Variants in SLC25A21 observed in about 807,000 individuals in gnomAD.
The protein encoded by SLC25A21 is solute carrier family 25 member 21.
A neutral mutation model predicts 43.8 loss-of-function variants in SLC25A21; 47 were observed. That is an observed-to-expected ratio of 1.07 (90% CI 0.85 to 1.37). The LOEUF (loss-of-function observed/expected upper bound fraction) is 1.37, where lower values mean the gene tolerates loss of function less well. Among genes scored for constraint, SLC25A21 ranks in the 40% most tolerant of loss-of-function variants. The pLI, the probability that SLC25A21 is intolerant of heterozygous loss-of-function variation, is 0.00. For synonymous variants in SLC25A21, 131 were observed against 121.3 expected, an observed-to-expected ratio of 1.08 and a Z score of -0.52; for missense variants, 352 against 350.2, an observed-to-expected ratio of 1.00 and a Z score of -0.04.
intron 7 of SLC25A21, among the ~76,000 whole-genome samples, chr14:36,697,757 A>ATTTTTT (rs1480702335): frequency 3.7e-5 from 2 of 53,752 alleles, no homozygotes; most frequent in African/African-American, 1.8e-4. Context: ...TTTGCTTTCC[A>ATTTTTT]TTTGCTTGGT....
In SLC25A21 at chr14:36,679,366, T is replaced by C; in HGVS notation, c.*1292A>G. 1.0e-6 allele frequency: 1 copy of C among 975,772 alleles called. No homozygotes were observed. Among genetic ancestry groups the C allele is most frequent in the Non-Finnish European group, 1.2e-6 (1 of 821,244 alleles). 60.4% of individuals were successfully genotyped at this position (975,772 alleles called of 1,614,324 possible). A position where few individuals can be genotyped will look rare whatever the true frequency, so the allele number is the denominator to read the frequency against. Reference sequence around the variant, plus strand: ...AATTAATAAAAAGTAATAATTACCATGTTATCTTTTACTTTTTATTTTCAA... The same window carrying C: ...AATTAATAAAAAGTAATAATTACCACGTTATCTTTTACTTTTTATTTTCAA... On this transcript the variant is annotated 3_prime_UTR_variant, in exon 10 of 10. Transcript: ENST00000331299.
chr14:36,748,861 C>T (rs1267399999), intron 3 of SLC25A21, among the ~76,000 whole-genome samples: 7 of 152,194 alleles, frequency 4.6e-5, no homozygotes, highest in Non-Finnish European at 4.4e-5. Context: ...GATTCTCCCT[C>T]CACAGACTTG....
intron 1 of SLC25A21, among the ~76,000 whole-genome samples, chr14:37,007,024 C>T (rs924682840): frequency 1.2e-4 from 19 of 152,270 alleles, no homozygotes; most frequent in African/African-American, 4.6e-4. Context: ...AATGTTAAGA[C>T]ATTTTATCAG....
intron 1 of SLC25A21, among the ~76,000 whole-genome samples, chr14:36,958,675 A>ACGTG (rs1555338992): frequency 3.0e-5 from 3 of 101,134 alleles, no homozygotes; most frequent in South Asian, 3.1e-4. Flanking sequence ...ACATAAGCAC[A>ACGTG]CGTGCACACA....
At chr14:36,870,035 G>A (rs1402868390) in intron 2 of SLC25A21, among the ~76,000 whole-genome samples, 1 of 152,136 alleles carries the variant, frequency 6.6e-6, no homozygotes, top group Non-Finnish European at 1.5e-5. Context: ...ATGAAAATAT[G>A]AGGCAATAAT....
chr14:36,711,253 T>C, intron 7 of SLC25A21, 65 bp downstream of exon 7: 1 of 1,468,822 alleles, frequency 6.8e-7, no homozygotes, highest in East Asian at 2.3e-5. Flanking sequence ...ATAAACATTC[T>C]ACAAACGGAG....
chr14:36,911,964 C>A (rs1257295166), intron 1 of SLC25A21, among the ~76,000 whole-genome samples: 1 of 152,120 alleles, frequency 6.6e-6, no homozygotes, highest in East Asian at 1.9e-4. Context: ...AAATATACAT[C>A]ATTTTTGAGC....
chr14:37,051,753 T>C (rs1961711042), intron 1 of SLC25A21, among the ~76,000 whole-genome samples: 1 of 152,164 alleles, frequency 6.6e-6, no homozygotes, highest in Admixed American at 6.5e-5. Context: ...GTTGCTGTGG[T>C]CTTTGTCCAA....
intron 1 of SLC25A21, among the ~76,000 whole-genome samples, chr14:37,087,207 G>T (rs574101875): frequency 2.6e-5 from 4 of 152,060 alleles, no homozygotes; most frequent in Admixed American, 2.6e-4. Context: ...TTTCAATCCA[G>T]TAACAATTTT....
chr14:36,690,116 A>G (rs1882733261), intron 7 of SLC25A21, among the ~76,000 whole-genome samples: 1 of 152,184 alleles, frequency 6.6e-6, no homozygotes, highest in African/African-American at 2.4e-5. Flanking sequence ...TCATAGTTTG[A>G]GTGGGTCATT....
intron 1 of SLC25A21, among the ~76,000 whole-genome samples, chr14:36,975,439 AT>A (rs935700723): frequency 1.3e-4 from 19 of 151,946 alleles, no homozygotes; most frequent in East Asian, 1.9e-4. Context: ...TGTAAGAAAG[AT>A]TTTTTTTTCT....
intron 1 of SLC25A21, among the ~76,000 whole-genome samples, chr14:37,138,012 C>A (rs1019821329): frequency 1.3e-5 from 2 of 152,128 alleles, no homozygotes; most frequent in Non-Finnish European, 2.9e-5. Flanking sequence ...TTCCTAGATG[C>A]CTTTTTGCCT....
chr14:37,075,704 G>A (rs1463473487), intron 1 of SLC25A21, among the ~76,000 whole-genome samples: 2 of 152,188 alleles, frequency 1.3e-5, no homozygotes, highest in Admixed American at 6.5e-5. Flanking sequence ...ATGTCACATG[G>A]TGGTCGAATA....
At chr14:36,762,762 T>G (rs544153187) in intron 3 of SLC25A21, among the ~76,000 whole-genome samples, 1 of 152,094 alleles carries the variant, frequency 6.6e-6, no homozygotes, top group African/African-American at 2.4e-5. Flanking sequence ...TCTCCTTGAG[T>G]TGGTATAGGG....
At chr14:36,762,376 C>T (rs189495379) in intron 3 of SLC25A21, among the ~76,000 whole-genome samples, 208 of 152,294 alleles carry the variant, frequency 1.4e-3, no homozygotes, top group African/African-American at 4.8e-3. Context: ...GGAAAGGCAG[C>T]TCCGGGTCAC....
intron 1 of SLC25A21, among the ~76,000 whole-genome samples, chr14:37,005,305 AG>A (rs5807925): frequency 0.2 from 30,364 of 151,920 alleles, 3,265 homozygotes; most frequent in East Asian, 0.35. Flanking sequence ...ATGCATCCGC[AG>A]GAAGCTCAGG....
intron 2 of SLC25A21, among the ~76,000 whole-genome samples, chr14:36,861,904 G>A (rs916030771): frequency 6.6e-6 from 1 of 151,886 alleles, no homozygotes; most frequent in African/African-American, 2.4e-5. Flanking sequence ...GAATCTACAA[G>A]GAACTTAAAC....
At chr14:37,101,410 G>T (rs372250471) in intron 1 of SLC25A21, among the ~76,000 whole-genome samples, 1 of 152,078 alleles carries the variant, frequency 6.6e-6, no homozygotes, top group Admixed American at 6.5e-5. Flanking sequence ...CCCGAATCTT[G>T]GCCAATGTTA....
intron 3 of SLC25A21, 88 bp from the exon 4 acceptor site, chr14:36,734,661 C>T (rs1218592009): frequency 4.7e-5 from 47 of 990,138 alleles, no homozygotes; most frequent in South Asian, 1.2e-4. Flanking sequence ...AAAGTATTCC[C>T]GATTATTCAA....
Sources: allele counts gnomAD v4.1 joint callset (sites outside exome capture counted in the v4.1 genomes callset), GRCh38; gene constraint gnomAD v4.1.1; transcripts MANE v1.5; gene names NCBI Gene and HGNC (gene_info 2026-07-23, HGNC 2026-07-21).